Variants in DCC observed in about 807,000 individuals in gnomAD.
The protein encoded by DCC is DCC netrin 1 receptor.
DCC carries 58 observed loss-of-function variants against 172.5 expected under a neutral mutation model. That is an observed-to-expected ratio of 0.34 (90% CI 0.27 to 0.42). The LOEUF (loss-of-function observed/expected upper bound fraction) is 0.42, where lower values mean the gene tolerates loss of function less well. Ranked by LOEUF, DCC falls within the 10% of genes least tolerant of loss-of-function variation. The pLI, the probability that DCC is intolerant of heterozygous loss-of-function variation, is 1.00. For synonymous variants in DCC, 709 were observed against 644.5 expected, an observed-to-expected ratio of 1.10 and a Z score of -1.52; for missense variants, 1,740 against 1,791.0, an observed-to-expected ratio of 0.97 and a Z score of 0.51.
chr18:52,745,841 T>G (rs1054122521), intron 1 of DCC, among the ~76,000 whole-genome samples: 1 of 152,174 alleles, frequency 6.6e-6, no homozygotes, highest in Non-Finnish European at 1.5e-5. Context: ...CTTAACATTG[T>G]GCGTTTTCAG....
intron 15 of DCC, among the ~76,000 whole-genome samples, chr18:53,382,992 C>G (rs558462883): frequency 6.6e-6 from 1 of 152,028 alleles, no homozygotes; most frequent in African/African-American, 2.4e-5. Flanking sequence ...ATATAAAACC[C>G]AGATACAGAA....
At chr18:53,158,701 A>T (rs940008190) in intron 8 of DCC, among the ~76,000 whole-genome samples, 2 of 152,042 alleles carry the variant, frequency 1.3e-5, no homozygotes, top group Admixed American at 6.6e-5. Flanking sequence ...TTAAAATGAA[A>T]GGAAAGAGGC....
chr18:52,610,162 AAAAAAAAAAAAAAAAAATAT>A (rs1414402153), intron 1 of DCC, among the ~76,000 whole-genome samples: 104 of 17,126 alleles, frequency 6.1e-3, no homozygotes, highest in Non-Finnish European at 7.2e-3. Context: ...AAAAAAAAAA[AAAAAAAAAAAAAAAAAATAT>A]ATATATATAT....
chr18:52,681,683 G>A (rs916483795), intron 1 of DCC, among the ~76,000 whole-genome samples: 1 of 152,216 alleles, frequency 6.6e-6, no homozygotes, highest in African/African-American at 2.4e-5. Flanking sequence ...TGGTAGGAGA[G>A]GGGCTTACTG....
chr18:53,170,777 C>T (rs1039786743), intron 8 of DCC, among the ~76,000 whole-genome samples: 2 of 152,140 alleles, frequency 1.3e-5, no homozygotes, highest in African/African-American at 4.8e-5. Flanking sequence ...AAATCTGGGG[C>T]TCAGAAAGTT....
At chr18:53,372,681 A>C (rs184846002) in intron 15 of DCC, among the ~76,000 whole-genome samples, 4 of 152,148 alleles carry the variant, frequency 2.6e-5, no homozygotes. Context: ...GAAGACAAGC[A>C]TATATGAAAC....
At chr18:53,457,608 A>G (rs2045499569) in intron 23 of DCC, among the ~76,000 whole-genome samples, 1 of 152,182 alleles carries the variant, frequency 6.6e-6, no homozygotes. Context: ...AGTTACCAGG[A>G]GTAGATTACA....
rs1568370289 is a variant in DCC, at chr18:53,215,585, G to T, written c.1899G>T (p.Val633=). Residue 633 remains valine, a synonymous_variant, in exon 12 of 29, where the codon GTG becomes GTT. Coordinates refer to ENST00000442544, the MANE Select transcript of DCC (RefSeq NM_005215.4). ...CGCCTCAGAACGTCTCCCTGGAAGT[G>T]GTCAATTCAAGAGTAAGTTGGCTAA... ...SAPPQNVSLE[V]VNSRSIKVSW... is the part of the protein sequence containing the mutation. The T allele has an allele frequency of 6.2e-7, 1 of 1,613,548 alleles. No homozygotes were observed. Among genetic ancestry groups the T allele is most frequent in the Non-Finnish European group, 8.5e-7 (1 of 1,179,580 alleles).
At chr18:52,706,808 C>T (rs955943911) in intron 1 of DCC, among the ~76,000 whole-genome samples, 7 of 152,174 alleles carry the variant, frequency 4.6e-5, no homozygotes, top group Admixed American at 4.6e-4. Flanking sequence ...CCACTGTAAA[C>T]AAACTCTAAA....
chr18:52,893,244 T>C (rs1183390705), intron 2 of DCC, among the ~76,000 whole-genome samples: 1 of 152,056 alleles, frequency 6.6e-6, no homozygotes, highest in African/African-American at 2.4e-5. Context: ...ATCACTTATA[T>C]TGAGAAGAGG....
At chr18:52,766,222 G>C (rs548124710) in intron 2 of DCC, among the ~76,000 whole-genome samples, 1 of 152,210 alleles carries the variant, frequency 6.6e-6, no homozygotes, top group Non-Finnish European at 1.5e-5. Flanking sequence ...ACTTTTGGGC[G>C]CCAGCAGGAG....
rs141778420 is a variant in DCC at position 53,500,333 on chromosome 18, A to G, written c.4111+823A>G. On this transcript the variant is annotated intron_variant, in intron 27 of 28. Transcript: ENST00000442544. Reference sequence around the variant, plus strand: ...AATAGTACTTAAAATTATTTGGAATATTAGAATAATTCTTAAAATCCTCAG... The same window carrying G: ...AATAGTACTTAAAATTATTTGGAATGTTAGAATAATTCTTAAAATCCTCAG... Among the ~76,000 whole-genome samples, 535 of 152,304 alleles carry G rather than the reference A, an allele frequency of 3.5e-3. 2 individuals carry two copies. Among genetic ancestry groups the G allele is most frequent in the African/African-American group, 0.012 (503 of 41,568 alleles).
At chr18:53,179,173 T>C in intron 9 of DCC, 57 bp downstream of exon 9, 1 of 1,518,426 alleles carries the variant, frequency 6.6e-7, no homozygotes, top group Non-Finnish European at 9.1e-7. Context: ...CTCTGCAATA[T>C]CCTTGAATTC....
intron 1 of DCC, among the ~76,000 whole-genome samples, chr18:52,416,788 C>G (rs1987048022): frequency 6.6e-6 from 1 of 152,044 alleles, no homozygotes; most frequent in Non-Finnish European, 1.5e-5. Flanking sequence ...AGATGGGTTT[C>G]CTGAATACAG....
At chr18:52,959,946 T>G (rs1202452938) in intron 5 of DCC, among the ~76,000 whole-genome samples, 1 of 152,102 alleles carries the variant, frequency 6.6e-6, no homozygotes, top group African/African-American at 2.4e-5. Flanking sequence ...TCTTCGAAAC[T>G]TTGATTTTTT....
chr18:52,540,317 C>T (rs1349017422), intron 1 of DCC, among the ~76,000 whole-genome samples: 1 of 151,896 alleles, frequency 6.6e-6, no homozygotes, highest in Non-Finnish European at 1.5e-5. Context: ...GTCATAGCTA[C>T]TTGGGAGACT....
chr18:53,417,315 G>A (rs9807385), intron 21 of DCC, among the ~76,000 whole-genome samples: 64,513 of 152,016 alleles, frequency 0.42, 15,474 homozygotes, highest in Non-Finnish European at 0.55. Flanking sequence ...ATGGCTAGGG[G>A]TTTACGTGGA....
At chr18:52,719,800 T>A (rs2036445237) in intron 1 of DCC, among the ~76,000 whole-genome samples, 1 of 152,078 alleles carries the variant, frequency 6.6e-6, no homozygotes, top group Non-Finnish European at 1.5e-5. Context: ...AGAATAACAC[T>A]CCAGGTAGGC....
At chr18:53,210,480 C>T (rs1052731964) in intron 11 of DCC, among the ~76,000 whole-genome samples, 6 of 152,094 alleles carry the variant, frequency 3.9e-5, no homozygotes, top group Admixed American at 6.6e-5. Flanking sequence ...ATATTAAATA[C>T]CCCTAAATAT....
Sources: allele counts gnomAD v4.1 joint callset (sites outside exome capture counted in the v4.1 genomes callset), GRCh38; gene constraint gnomAD v4.1.1; transcripts MANE v1.5; gene names NCBI Gene and HGNC (gene_info 2026-07-23, HGNC 2026-07-21).